The following IL6R variants were observed in gnomAD, a reference collection of about 807,000 sequenced individuals.
IL6R encodes interleukin 6 receptor.
Under a neutral mutation model 48.3 loss-of-function variants are expected in IL6R, and 38 were observed. The observed-to-expected ratio is 0.79, with a 90% CI of 0.61 to 1.03. The LOEUF (loss-of-function observed/expected upper bound fraction) is 1.03. IL6R is among the 50% of genes least tolerant of loss of function. IL6R has a pLI of 0.00. For missense variants in IL6R, 534 were observed against 618.3 expected, an observed-to-expected ratio of 0.86 and a Z score of 1.45; for synonymous variants, 264 against 256.2, an observed-to-expected ratio of 1.03 and a Z score of -0.29.
rs1233624789 is a variant in IL6R, at chr1:154,434,675, T to G, written c.615T>G (p.Thr205=). 1.2e-6 allele frequency: 2 copies of G among 1,613,982 alleles called. No individual in the cohort carries two copies. Among genetic ancestry groups the G allele is most frequent in the African/African-American group, 2.7e-5 (2 of 74,902 alleles). Residue 205 remains threonine, a synonymous_variant, in exon 4 of 10, where the codon ACT becomes ACG. Transcript: ENST00000368485. ...ASSVGSKFSK[T]QTFQGCGILQ... ...GTGTCGGGAGCAAGTTCAGCAAAAC[T>G]CAAACCTTTCAGGGTTGTGGAATCT...
At chr1:154,423,654 C>T (rs1558305670) in intron 1 of IL6R, among the ~76,000 whole-genome samples, 1 of 152,160 alleles carries the variant, frequency 6.6e-6, no homozygotes, top group Non-Finnish European at 1.5e-5. Flanking sequence ...GTGTTGTTCG[C>T]AGGTTCTAGA....
chr1:154,406,880 G>A (rs943081390), intron 1 of IL6R, among the ~76,000 whole-genome samples: 2 of 152,092 alleles, frequency 1.3e-5, no homozygotes, highest in African/African-American at 4.8e-5. Flanking sequence ...CTGTTGATTG[G>A]GGCACCCATT....
At chr1:154,410,670 C>A (rs1029179789) in intron 1 of IL6R, among the ~76,000 whole-genome samples, 1 of 152,196 alleles carries the variant, frequency 6.6e-6, no homozygotes, top group African/African-American at 2.4e-5. Flanking sequence ...TCAGGCTTGA[C>A]GTTAGCTGGA....
At chr1:154,447,778 G>A (rs971291134) in intron 6 of IL6R, among the ~76,000 whole-genome samples, 3 of 151,744 alleles carry the variant, frequency 2.0e-5, no homozygotes, top group Non-Finnish European at 2.9e-5. Flanking sequence ...GCAATGGCAT[G>A]ATCTCGGCTC....
intron 4 of IL6R, 85 bp downstream of exon 4, chr1:154,434,785 G>T: frequency 7.0e-7 from 1 of 1,422,090 alleles, no homozygotes; most frequent in Non-Finnish European, 9.6e-7. Context: ...TGGCAGGGAA[G>T]GGGTGGTTGA....
At chr1:154,461,806 G>A (rs1339226804) in intron 9 of IL6R, among the ~76,000 whole-genome samples, 1 of 152,166 alleles carries the variant, frequency 6.6e-6, no homozygotes, top group Admixed American at 6.5e-5. Flanking sequence ...TTGTAAAAAT[G>A]TTGGACTGGG....
intron 9 of IL6R, 44 bp downstream of exon 9, chr1:154,454,625 T>C (rs766395644): frequency 3.9e-6 from 5 of 1,296,936 alleles, no homozygotes; most frequent in South Asian, 3.6e-5. Context: ...TTCTCATATT[T>C]CTTATCTAGC....
intron 9 of IL6R, among the ~76,000 whole-genome samples, 192 bp downstream of exon 9, chr1:154,454,773 T>G (rs1690783057): frequency 6.6e-6 from 1 of 152,180 alleles, no homozygotes; most frequent in Non-Finnish European, 1.5e-5. Context: ...GAGACAATGC[T>G]GGGCAGGACA....
At chr1:154,447,240 A>C (rs1019633075) in intron 6 of IL6R, among the ~76,000 whole-genome samples, 2 of 151,520 alleles carry the variant, frequency 1.3e-5, no homozygotes, top group Non-Finnish European at 2.9e-5. Flanking sequence ...GGAGTTCAAG[A>C]CCAGCCTGGC....
rs201773964 is a variant in IL6R, at chr1:154,454,589, G to A, written c.1160+8G>A. 21 of 1,587,854 alleles carry A rather than the reference G, an allele frequency of 1.3e-5. No individual in the cohort carries two copies. The highest frequency in any genetic ancestry group is 1.8e-5 in the Non-Finnish European group (21 of 1,156,122). On this transcript the variant is annotated splice_region_variant and intron_variant, in intron 9 of 9. Transcript: ENST00000368485. ...CATTGCCATTGTTCTGAGGTGAGAT[G>A]GGTCCCAGGGGATGGCCCTGTGGTG...
chr1:154,459,923 G>A (rs541945769), intron 9 of IL6R, among the ~76,000 whole-genome samples: 6 of 152,130 alleles, frequency 3.9e-5, no homozygotes, highest in African/African-American at 7.2e-5. Context: ...GTATCATTCC[G>A]GTATTTTAAA....
chr1:154,460,909 G>A (rs1260552125), intron 9 of IL6R, among the ~76,000 whole-genome samples: 5 of 152,174 alleles, frequency 3.3e-5, no homozygotes, highest in African/African-American at 4.8e-5. Context: ...ACCTGGGCCT[G>A]CGGGACCACT....
At chr1:154,464,752 A>T (rs1691457870) in intron 9 of IL6R, among the ~76,000 whole-genome samples, 1 of 152,024 alleles carries the variant, frequency 6.6e-6, no homozygotes, top group Non-Finnish European at 1.5e-5. Flanking sequence ...CGAGCCCAGG[A>T]ATTCAAGACC....
intron 9 of IL6R, among the ~76,000 whole-genome samples, chr1:154,455,455 C>CTTTTTTTT (rs201098458): frequency 7.8e-6 from 1 of 128,432 alleles, no homozygotes; most frequent in Non-Finnish European, 1.7e-5. Context: ...CTTTTCTTTT[C>CTTTTTTTT]TTTTTTTTTT....
intron 6 of IL6R, among the ~76,000 whole-genome samples, chr1:154,444,487 A>G (rs1308514599): frequency 1.3e-5 from 2 of 152,216 alleles, no homozygotes; most frequent in Non-Finnish European, 2.9e-5. Context: ...GATTACAGGC[A>G]TGAGCCACCG....
intron 8 of IL6R, among the ~76,000 whole-genome samples, chr1:154,453,714 G>A (rs12739228): frequency 0.027 from 4,104 of 152,288 alleles, 92 homozygotes; most frequent in Non-Finnish European, 0.036. Context: ...CTGCCTTCAG[G>A]GAACTCAGTC....
At chr1:154,409,348 TC>T (rs1397766987) in intron 1 of IL6R, among the ~76,000 whole-genome samples, 6 of 152,124 alleles carry the variant, frequency 3.9e-5, no homozygotes, top group Non-Finnish European at 5.9e-5. Flanking sequence ...TTTTCCTTTA[TC>T]CCCCTCTGCC....
In IL6R at chr1:154,459,191, G is replaced by A. The variant is rs1691100542; in HGVS notation, c.1160+4610G>A. ...TGGTGTGTTGTAATGGCTAATAGAG[G>A]AGCATTAGGTTGGGAACAGACCTGG... On this transcript the variant is annotated intron_variant, in intron 9 of 9. Coordinates refer to ENST00000368485, the MANE Select transcript of IL6R (RefSeq NM_000565.4). 3.3e-5 allele frequency among the ~76,000 whole-genome samples: 5 copies of A among 152,298 alleles called. No individual in the cohort carries two copies. In the South Asian group the frequency reaches 1.0e-3, roughly 32 times the overall value.
rs981225670 is a variant in IL6R at position 154,414,831 on chromosome 1, A to G, written c.85+9117A>G. 6 of 753,690 alleles carry G rather than the reference A, an allele frequency of 8.0e-6. No individual in the cohort carries two copies. In the African/African-American group the frequency reaches 1.0e-4, roughly 13 times the overall value. The allele number at this position is 753,690 out of a possible 1,614,324, so 46.7% of individuals were successfully genotyped here. A position where few individuals can be genotyped will look rare whatever the true frequency, so the allele number is the denominator to read the frequency against. ...GCTTCTGGGACAGCAGGAAGAGGAG[A>G]TTGAGGCCCAAGAGCTGGTGCATGT... On this transcript the variant is annotated intron_variant, in intron 1 of 9. Transcript: ENST00000368485.
Sources: allele counts gnomAD v4.1 joint callset (sites outside exome capture counted in the v4.1 genomes callset), GRCh38; gene constraint gnomAD v4.1.1; transcripts MANE v1.5; gene names NCBI Gene and HGNC (gene_info 2026-07-23, HGNC 2026-07-21).